Variants in MTOR observed in about 807,000 individuals in gnomAD.
MTOR encodes the protein serine/threonine-protein kinase mTOR.
Under a neutral mutation model 319.8 loss-of-function variants are expected in MTOR, and 70 were observed. The ratio of observed to expected loss-of-function variants is 0.22; its 90% confidence interval spans 0.18 to 0.27. MTOR has a LOEUF of 0.27. Among genes scored for constraint, MTOR ranks in the 10% least tolerant of loss-of-function variants. MTOR has a pLI of 1.00. For missense variants in MTOR, 1,890 were observed against 3,274.4 expected (o/e 0.58, Z 10.32); for synonymous variants, 1,183 against 1,211.4 (o/e 0.98, Z 0.49).
At position 11,128,271 on chromosome 1, in the gene MTOR, G is replaced by A; in HGVS notation, c.5911-145C>T. On this transcript the variant is annotated intron_variant, in intron 42 of 57. Transcript: ENST00000361445. The surrounding 1 kb of genome is among the most constrained non-coding windows in gnomAD (Gnocchi z 5.3). Reference sequence around the variant, plus strand: ...TACCAGGAAGGGGCTCAGTCTTCGAGGGAACGCTTTCTTTTTAGCAAGGCT... The same window carrying A: ...TACCAGGAAGGGGCTCAGTCTTCGAAGGAACGCTTTCTTTTTAGCAAGGCT... 7.4e-7 allele frequency: 1 copy of A among 1,350,468 alleles called. No individual in the cohort carries two copies. 83.7% of individuals were successfully genotyped at this position (1,350,468 alleles called of 1,614,324 possible). A position where few individuals can be genotyped will look rare whatever the true frequency, so the allele number is the denominator to read the frequency against.
At chr1:11,193,955 C>G (rs1051627648) in intron 28 of MTOR, among the ~76,000 whole-genome samples, 1 of 152,090 alleles carries the variant, frequency 6.6e-6, no homozygotes, top group East Asian at 1.9e-4. Flanking sequence ...TGCAACCCCC[C>G]CAACCCCCCG....
intron 29 of MTOR, among the ~76,000 whole-genome samples, chr1:11,163,060 C>A (rs1423592441): frequency 6.6e-6 from 1 of 151,952 alleles, no homozygotes; most frequent in Non-Finnish European, 1.5e-5. Context: ...CAGACACACA[C>A]ATAGGCTCAA....
rs556040865 is a variant in MTOR, at chr1:11,180,839, C to A, written c.4254-13322G>T. Among the ~76,000 whole-genome samples the A allele has an allele frequency of 6.7e-5, 10 of 149,804 alleles. No individual in the cohort carries two copies. In the Admixed American group the frequency reaches 6.7e-4, roughly 10 times the overall value. ...GTCGCCAGGCTGGAGTGCAGCGGTG[C>A]GATCTCGGCTCACTGCAACCTCTAC... On this transcript the variant is annotated intron_variant, in intron 28 of 57. Coordinates refer to ENST00000361445, the MANE Select transcript of MTOR (RefSeq NM_004958.4).
chr1:11,128,414 C>T lies in MTOR; in HGVS notation c.5910+40G>A, dbSNP rs1210209044. 7 of 1,589,500 alleles carry T rather than the reference C, an allele frequency of 4.4e-6. No individual in the cohort carries two copies. Among genetic ancestry groups the T allele is most frequent in the Non-Finnish European group, 6.0e-6 (7 of 1,158,338 alleles). On this transcript the variant is annotated intron_variant, in intron 42 of 57. Transcript: ENST00000361445. The surrounding 1 kb of genome is among the most constrained non-coding windows in gnomAD (Gnocchi z 5.3). ...GCTTTTGGAAAGGCTGACCACCAAA[C>T]CAGTGGTTAGATGAGAAACTGCCCA...
intron 26 of MTOR, among the ~76,000 whole-genome samples, chr1:11,201,903 A>C (rs1161471322): frequency 6.6e-6 from 1 of 152,058 alleles, no homozygotes; most frequent in Non-Finnish European, 1.5e-5. Flanking sequence ...AAACTCCTGG[A>C]CTCAAGTAAT....
chr1:11,255,846 CAAA>C (rs35904498), intron 5 of MTOR, 143 bp downstream of exon 5: 1,725 of 529,932 alleles, frequency 3.3e-3, no homozygotes, highest in South Asian at 4.8e-3. Context: ...GACTCCATCA[CAAA>C]AAAAAAAAAA....
intron 1 of MTOR, among the ~76,000 whole-genome samples, chr1:11,259,848 T>C (rs1349749184): frequency 6.6e-6 from 1 of 152,066 alleles, no homozygotes; most frequent in Non-Finnish European, 1.5e-5. Context: ...GAGAATCCCT[T>C]GAACCTGGGA....
At position 11,122,068 on chromosome 1, in the gene MTOR, G is replaced by A. The variant is rs2100362921; in HGVS notation, c.6721C>T (p.Pro2241Ser). 1 of 1,614,232 alleles carries A rather than the reference G, an allele frequency of 6.2e-7. No individual in the cohort carries two copies. The highest frequency in any genetic ancestry group is 8.5e-7 in the Non-Finnish European group (1 of 1,180,048). ...AGGGCGTGCAGTGTGTCACAGTGGGGAACCCAGCCAATGAGGCCCGAGTTG... is the reference window on the plus strand; with the variant it reads ...AGGGCGTGCAGTGTGTCACAGTGGGAAACCCAGCCAATGAGGCCCGAGTTG... ...STNSGLIGWV[P>S]HCDTLHALIR... is the part of the protein sequence containing the mutation. Residue 2241 changes from proline (P) to serine (S), a missense_variant, in exon 48 of 58, where the codon CCC (proline) becomes TCC (serine). Physicochemically the swap from Pro to Ser is moderately conservative, Grantham distance 74 (BLOSUM62 -1). This residue lies in a region of MTOR where 249 missense variants were observed against 596.2 expected (regional missense o/e 0.42). Transcript: ENST00000361445.
intron 49 of MTOR, among the ~76,000 whole-genome samples, chr1:11,120,674 G>A (rs1322530196): frequency 3.9e-5 from 6 of 152,048 alleles, no homozygotes; most frequent in Admixed American, 3.3e-4. Flanking sequence ...TTAATAAAAT[G>A]GCATAGTATT....
At chr1:11,149,077 T>G (rs1237410701) in intron 31 of MTOR, among the ~76,000 whole-genome samples, 1 of 152,072 alleles carries the variant, frequency 6.6e-6, no homozygotes, top group Non-Finnish European at 1.5e-5. Flanking sequence ...TCTCATCTCT[T>G]ATTTCTGCTT....
rs1451215028 is a variant in MTOR at position 11,144,728 on chromosome 1, C to T, written c.4792G>A (p.Glu1598Lys). 1 of 1,613,564 alleles carries T rather than the reference C, an allele frequency of 6.2e-7. No homozygotes were observed. Among genetic ancestry groups the T allele is most frequent in the Non-Finnish European group, 8.5e-7 (1 of 1,180,008 alleles). The change falls in exon 34 of 58, where the codon GAG becomes AAG. Residue 1598 changes from glutamate to lysine, a missense_variant. Physicochemically the swap from Glu to Lys is moderately conservative, Grantham distance 56 (BLOSUM62 1). Coordinates refer to ENST00000361445, the MANE Select transcript of MTOR (RefSeq NM_004958.4). ...TTGTACTGGATAACCTCCTCCAGCT[C>T]GGACAGCATGTGGCAAGAAACCATG... ...GAMVSCHMLS[E>K]LEEVIQYKLV...
chr1:11,179,242 A>AT (rs1329470083), intron 28 of MTOR, among the ~76,000 whole-genome samples: 1 of 152,100 alleles, frequency 6.6e-6, no homozygotes, highest in African/African-American at 2.4e-5. Flanking sequence ...TAAGACACAC[A>AT]TTTTTTTCAC....
intron 6 of MTOR, 31 bp downstream of exon 6, chr1:11,253,808 G>T (rs771529296): frequency 6.2e-7 from 1 of 1,613,698 alleles, no homozygotes. Context: ...TACACGGGGA[G>T]CCTGGACTCC....
rs2100274516 is a variant in MTOR, at chr1:11,107,070, G to A, written c.*415C>T. 2 of 1,372,576 alleles carry A rather than the reference G, an allele frequency of 1.5e-6. No individual in the cohort carries two copies. The highest frequency in any genetic ancestry group is 1.9e-6 in the Non-Finnish European group (2 of 1,040,220). The allele number at this position is 1,372,576 out of a possible 1,614,324, so 85.0% of individuals were successfully genotyped here. A position where few individuals can be genotyped will look rare whatever the true frequency, so the allele number is the denominator to read the frequency against. ...TAGGATCCTAATCCATGTTCTCCAC[G>A]ACCTGAGGCTTCTTGGCTGTGCTGA... On this transcript the variant is annotated 3_prime_UTR_variant, in exon 58 of 58. Coordinates refer to ENST00000361445, the MANE Select transcript of MTOR (RefSeq NM_004958.4).
chr1:11,250,304 G>A (rs1339835181), intron 6 of MTOR, among the ~76,000 whole-genome samples: 2 of 150,846 alleles, frequency 1.3e-5, no homozygotes, highest in Non-Finnish European at 3.0e-5. Flanking sequence ...AGATGGGGCG[G>A]CTGGCCGGGC....
At chr1:11,223,367 G>T (rs927195097) in intron 19 of MTOR, among the ~76,000 whole-genome samples, 1 of 152,008 alleles carries the variant, frequency 6.6e-6, no homozygotes, top group Non-Finnish European at 1.5e-5. Context: ...TAGCTTTGTA[G>T]GTGTCATATT....
At chr1:11,249,348 T>C (rs1283366754) in intron 6 of MTOR, among the ~76,000 whole-genome samples, 1 of 152,090 alleles carries the variant, frequency 6.6e-6, no homozygotes, top group Admixed American at 6.5e-5. Context: ...TCAGAAAATC[T>C]TGTCCTCTCG....
Position 11,199,774 on chromosome 1 carries a change from T to C in MTOR, c.3945-71A>G, listed in dbSNP as rs1207016865. The C allele has an allele frequency of 3.3e-6, 5 of 1,536,142 alleles. No homozygotes were observed. Among genetic ancestry groups the C allele is most frequent in the Admixed American group, 1.8e-5 (1 of 56,644 alleles). On this transcript the variant is annotated intron_variant, in intron 26 of 57. Coordinates refer to ENST00000361445, the MANE Select transcript of MTOR (RefSeq NM_004958.4). The surrounding 1 kb of genome is among the most constrained non-coding windows in gnomAD (Gnocchi z 4.5). The stretch of plus-strand genomic sequence containing the variant: ...GCCTGCTGCCTCAAAGTCACACCTA[T>C]CAATTCGCTTTTGGCATCACTGATT...
At chr1:11,185,249 CTTT>C (rs111731836) in intron 28 of MTOR, among the ~76,000 whole-genome samples, 2 of 139,434 alleles carry the variant, frequency 1.4e-5, no homozygotes, top group African/African-American at 2.6e-5. Context: ...ATCAGAGAGA[CTTT>C]TTTTTTTTTT....
Sources: allele counts gnomAD v4.1 joint callset (sites outside exome capture counted in the v4.1 genomes callset), GRCh38; gene constraint gnomAD v4.1.1; regional missense constraint gnomAD v4.1.1; non-coding constraint Gnocchi (gnomAD v3.1); transcripts MANE v1.5; gene names NCBI Gene and HGNC (gene_info 2026-07-23, HGNC 2026-07-21).